CAB39: variants seen among roughly 807,000 people sequenced by gnomAD.
The protein encoded by CAB39 is calcium-binding protein 39.
Under a neutral mutation model 40.0 loss-of-function variants are expected in CAB39, and 8 were observed. The ratio of observed to expected loss-of-function variants is 0.20; its 90% confidence interval spans 0.12 to 0.36. The LOEUF (loss-of-function observed/expected upper bound fraction) is 0.36. Ranked by LOEUF, CAB39 falls within the 10% of genes least tolerant of loss-of-function variation. CAB39 has a pLI of 1.00. For missense variants in CAB39, 270 were observed against 401.1 expected (o/e 0.67, Z 2.79); for synonymous variants, 156 against 141.6 (o/e 1.10, Z -0.72).
At position 230,741,822 on chromosome 2, in the gene CAB39, A is replaced by G. The variant is rs16827534; in HGVS notation, c.-43-18137A>G. Among the ~76,000 whole-genome samples the G allele has an allele frequency of 6.2e-3, 945 of 152,338 alleles. 5 individuals are homozygous for G. The highest frequency in any genetic ancestry group is 0.021 in the African/African-American group (889 of 41,574). On this transcript the variant is annotated intron_variant, in intron 1 of 8. Transcript: ENST00000258418. The stretch of plus-strand genomic sequence containing the variant: ...TAGATATAGTTACCATATAAAGAAT[A>G]TATTATGCTTCCCCCAAAATAACTT...
chr2:230,729,049 A>C lies in CAB39; in HGVS notation c.-44+15819A>C, dbSNP rs548219552. ...GTGTTTTAAGCACTTACATTATCTC[A>C]ATTAATCCCCTCAGCCTGAAGAAAG... On this transcript the variant is annotated intron_variant, in intron 1 of 8. Coordinates refer to ENST00000258418, the MANE Select transcript of CAB39 (RefSeq NM_016289.4). Among the ~76,000 whole-genome samples the C allele has an allele frequency of 4.7e-5, 7 of 149,660 alleles. No individual in the cohort carries two copies. The East Asian group carries it at 7.7e-4, about 16-fold the overall frequency.
intron 1 of CAB39, among the ~76,000 whole-genome samples, chr2:230,745,916 G>A (rs539810183): frequency 3.3e-5 from 5 of 151,954 alleles, no homozygotes; most frequent in Non-Finnish European, 7.4e-5. Context: ...GAGCCACCGC[G>A]CCTGGCCAAA....
intron 1 of CAB39, among the ~76,000 whole-genome samples, chr2:230,754,071 A>G (rs1695137269): frequency 6.6e-6 from 1 of 152,222 alleles, no homozygotes; most frequent in Non-Finnish European, 1.5e-5. Flanking sequence ...CTGGACCTCT[A>G]GGATCAAGGC....
At chr2:230,756,644 A>G (rs1455970204) in intron 1 of CAB39, among the ~76,000 whole-genome samples, 4 of 151,700 alleles carry the variant, frequency 2.6e-5, no homozygotes, top group Non-Finnish European at 4.4e-5. Flanking sequence ...AATAAAGAGG[A>G]TAGTTTCTAA....
At chr2:230,719,358 G>C (rs1315973789) in intron 1 of CAB39, among the ~76,000 whole-genome samples, 1 of 152,168 alleles carries the variant, frequency 6.6e-6, no homozygotes, top group East Asian at 1.9e-4. Context: ...CCCTGAAATA[G>C]GGTATGACTC....
At chr2:230,794,416 G>A (rs1695944898) in intron 4 of CAB39, among the ~76,000 whole-genome samples, 1 of 152,160 alleles carries the variant, frequency 6.6e-6, no homozygotes, top group Admixed American at 6.5e-5. Flanking sequence ...TGATCTTAGA[G>A]CAGCTTTCAG....
intron 1 of CAB39, among the ~76,000 whole-genome samples, chr2:230,732,880 A>G (rs146165172): frequency 2.0e-5 from 3 of 152,354 alleles, no homozygotes; most frequent in East Asian, 1.9e-4. Flanking sequence ...ATAATCCCCA[A>G]TAAATCTTGA....
Position 230,820,114 on chromosome 2 carries a change from T to C in CAB39, c.*1410T>C, listed in dbSNP as rs1384096394. ...CACGGCAGAACAATGTCTTCTAGAC[T>C]ATATCTATGTAAAGTTATTAGAATG... On this transcript the variant is annotated 3_prime_UTR_variant, in exon 9 of 9. Coordinates refer to ENST00000258418, the MANE Select transcript of CAB39 (RefSeq NM_016289.4). 8.5e-5 allele frequency: 13 copies of C among 152,802 alleles called. No individual in the cohort carries two copies. The highest frequency in any genetic ancestry group is 3.1e-4 in the African/African-American group (13 of 41,592). 9.5% of individuals were successfully genotyped at this position (152,802 alleles called of 1,614,324 possible). A position where few individuals can be genotyped will look rare whatever the true frequency, so the allele number is the denominator to read the frequency against.
chr2:230,817,763 G>C lies in CAB39; in HGVS notation c.703G>C (p.Glu235Gln). The change falls in exon 8 of 9, where the codon GAA becomes CAA. Residue 235 changes from glutamate to glutamine, a missense_variant. By Grantham distance (29) the Glu-to-Gln change is conservative (BLOSUM62 2). Coordinates refer to ENST00000258418, the MANE Select transcript of CAB39 (RefSeq NM_016289.4). ...TKRQSLKLLGELLLDRHNFTI... is the reference protein window; with the variant it reads ...TKRQSLKLLGQLLLDRHNFTI... Reference sequence around the variant, plus strand: ...TTAAATGTCTTCTCAGCTTCTCGGTGAACTACTACTAGATAGACACAACTT... The same window carrying C: ...TTAAATGTCTTCTCAGCTTCTCGGTCAACTACTACTAGATAGACACAACTT... 1 of 1,586,220 alleles carries C rather than the reference G, an allele frequency of 6.3e-7. No individual in the cohort carries two copies. The highest frequency in any genetic ancestry group is 8.5e-7 in the Non-Finnish European group (1 of 1,169,726).
Position 230,780,068 on chromosome 2 carries a change from C to T in CAB39, c.115-10804C>T, listed in dbSNP as rs112388401. ...TTAATTATCGGATGGTCCAGTAAGA[C>T]CCAACAGGTTTCCATGAGGCCACAG... is the stretch of plus-strand genomic sequence containing the variant. On this transcript the variant is annotated intron_variant, in intron 2 of 8. Coordinates refer to ENST00000258418, the MANE Select transcript of CAB39 (RefSeq NM_016289.4). Among the ~76,000 whole-genome samples, 773 of 152,226 alleles carry T rather than the reference C, an allele frequency of 5.1e-3. 4 individuals are homozygous for T. The highest frequency in any genetic ancestry group is 0.024 in the Middle Eastern group (7 of 294).
rs548779777 is a variant in CAB39 at position 230,794,342 on chromosome 2, A to G, written c.398+1011A>G. 1.3e-5 allele frequency among the ~76,000 whole-genome samples: 2 copies of G among 152,246 alleles called. 1 individual carries two copies. Among genetic ancestry groups the G allele is most frequent in the East Asian group, 3.9e-4 (2 of 5,182 alleles). ...TGGGATACAGAACTTTTGGCATCTA[A>G]TTTTGTGTTGTATCAATTCAGAGTT... is the stretch of plus-strand genomic sequence containing the variant. On this transcript the variant is annotated intron_variant, in intron 4 of 8. Transcript: ENST00000258418.
At chr2:230,721,354 C>T (rs552826174) in intron 1 of CAB39, among the ~76,000 whole-genome samples, 2 of 152,280 alleles carry the variant, frequency 1.3e-5, no homozygotes, top group African/African-American at 4.8e-5. Flanking sequence ...TCGCTTGAGC[C>T]CTGGGGGTGG....
At chr2:230,757,093 T>C (rs1286515171) in intron 1 of CAB39, among the ~76,000 whole-genome samples, 1 of 152,184 alleles carries the variant, frequency 6.6e-6, no homozygotes, top group African/African-American at 2.4e-5. Context: ...TGGGTAGTTG[T>C]TACTGTGTTT....
intron 5 of CAB39, among the ~76,000 whole-genome samples, chr2:230,805,697 A>G (rs1002664746): frequency 1.3e-5 from 2 of 152,378 alleles, no homozygotes; most frequent in South Asian, 4.1e-4. Flanking sequence ...CAACAAGGAT[A>G]TGCTAGATGT....
At chr2:230,735,556 C>G (rs1234538296) in intron 1 of CAB39, among the ~76,000 whole-genome samples, 1 of 152,080 alleles carries the variant, frequency 6.6e-6, no homozygotes, top group Non-Finnish European at 1.5e-5. Flanking sequence ...TTCTGTCACC[C>G]AGGCTGGAGT....
chr2:230,777,362 G>GTT (rs544926190), intron 2 of CAB39, among the ~76,000 whole-genome samples: 47 of 123,478 alleles, frequency 3.8e-4, no homozygotes, highest in African/African-American at 9.8e-4. Context: ...TGTTTTTTTT[G>GTT]TTTTTTTTTT....
At chr2:230,746,518 A>G (rs143747046) in intron 1 of CAB39, among the ~76,000 whole-genome samples, 86 of 152,354 alleles carry the variant, frequency 5.6e-4, no homozygotes, top group African/African-American at 2.0e-3. Context: ...GTATTACGTG[A>G]AGCCATCACA....
chr2:230,725,064 C>T (rs1350608358), intron 1 of CAB39: 13 of 1,504,336 alleles, frequency 8.6e-6, no homozygotes, highest in Non-Finnish European at 1.1e-5. Flanking sequence ...TCTTTTCCTT[C>T]GTAGAGGACA....
At chr2:230,743,751 A>G (rs1213041025) in intron 1 of CAB39, among the ~76,000 whole-genome samples, 1 of 152,182 alleles carries the variant, frequency 6.6e-6, no homozygotes, top group East Asian at 1.9e-4. Flanking sequence ...AAGACATTTG[A>G]AAACTGCTGA....
Sources: allele counts gnomAD v4.1 joint callset (sites outside exome capture counted in the v4.1 genomes callset), GRCh38; gene constraint gnomAD v4.1.1; transcripts MANE v1.5; gene names NCBI Gene and HGNC (gene_info 2026-07-23, HGNC 2026-07-21).